The following ZRANB3 variants were observed in gnomAD, a reference collection of about 807,000 sequenced individuals.
ZRANB3 encodes the protein DNA annealing helicase and endonuclease ZRANB3.
A neutral mutation model predicts 133.8 loss-of-function variants in ZRANB3; 125 were observed. The observed-to-expected ratio is 0.93, with a 90% CI of 0.81 to 1.08. ZRANB3 has a LOEUF of 1.08. Among genes scored for constraint, ZRANB3 ranks in the 50% least tolerant of loss-of-function variants. The pLI is 0.00. For synonymous variants in ZRANB3, 387 were observed against 432.7 expected, an observed-to-expected ratio of 0.89 and a Z score of 1.31; for missense variants, 1,229 against 1,275.5, an observed-to-expected ratio of 0.96 and a Z score of 0.56.
intron 2 of ZRANB3, among the ~76,000 whole-genome samples, chr2:135,458,596 T>G (rs1300121072): frequency 6.6e-6 from 1 of 152,112 alleles, no homozygotes; most frequent in African/African-American, 2.4e-5. Context: ...TGAACTCTAC[T>G]GATGACAGAG....
chr2:135,442,376 GT>G (rs1288793853), intron 2 of ZRANB3, among the ~76,000 whole-genome samples: 4 of 152,122 alleles, frequency 2.6e-5, no homozygotes, highest in Non-Finnish European at 5.9e-5. Context: ...CCATCCAAAA[GT>G]GTACAAAGGA....
chr2:135,344,622 A>G (rs770535978), intron 6 of ZRANB3, among the ~76,000 whole-genome samples: 3 of 152,190 alleles, frequency 2.0e-5, no homozygotes, highest in Non-Finnish European at 4.4e-5. Flanking sequence ...CTGTAATCTC[A>G]GCTACTCAGG....
intron 12 of ZRANB3, among the ~76,000 whole-genome samples, chr2:135,238,526 G>A (rs1695410000): frequency 6.6e-6 from 1 of 151,802 alleles, no homozygotes; most frequent in South Asian, 2.1e-4. Context: ...ATCACGCCCA[G>A]CTAATTTTTG....
chr2:135,411,116 T>A (rs1595399), intron 2 of ZRANB3, among the ~76,000 whole-genome samples: 15,609 of 152,100 alleles, frequency 0.1, 1,061 homozygotes, highest in South Asian at 0.32. Context: ...GGTGCACACC[T>A]GTAGTCACAG....
At chr2:135,251,193 T>G (rs1679373873) in intron 12 of ZRANB3, among the ~76,000 whole-genome samples, 1 of 152,216 alleles carries the variant, frequency 6.6e-6, no homozygotes, top group African/African-American at 2.4e-5. Context: ...GGGCCCTGTA[T>G]CCCCTTTGTT....
chr2:135,507,985 A>C (rs1693270946), intron 1 of ZRANB3, among the ~76,000 whole-genome samples: 2 of 151,382 alleles, frequency 1.3e-5, no homozygotes. Flanking sequence ...AAAGAGAGAG[A>C]GAGAATAACA....
At chr2:135,503,833 G>A (rs900994084) in intron 2 of ZRANB3, among the ~76,000 whole-genome samples, 19 of 151,988 alleles carry the variant, frequency 1.3e-4, no homozygotes, top group African/African-American at 4.6e-4. Context: ...CCCGGGTGTG[G>A]TGGCGTGCAC....
rs1239856439 is a variant in ZRANB3, at chr2:135,407,838, A to T, written c.162-17018T>A. Reference sequence around the variant, plus strand: ...AAAATTAATTCAAGATGGATTAAAGACTTACCACGTTAGACCTAAAACCAT... The same window carrying T: ...AAAATTAATTCAAGATGGATTAAAGTCTTACCACGTTAGACCTAAAACCAT... On this transcript the variant is annotated intron_variant, in intron 2 of 20. Transcript: ENST00000264159. Among the ~76,000 whole-genome samples the T allele has an allele frequency of 2.9e-4, 36 of 125,000 alleles. 1 individual carries two copies. The highest frequency in any genetic ancestry group is 3.5e-4 in the Non-Finnish European group (23 of 65,506). 82.0% of individuals were successfully genotyped at this position (125,000 alleles called of 152,430 possible). A position where few individuals can be genotyped will look rare whatever the true frequency, so the allele number is the denominator to read the frequency against.
intron 12 of ZRANB3, among the ~76,000 whole-genome samples, chr2:135,264,468 C>G (rs1254388383): frequency 8.1e-6 from 1 of 123,400 alleles, no homozygotes; most frequent in Admixed American, 9.6e-5. Flanking sequence ...AAGACTCTGT[C>G]TCAAAAAAAA....
At chr2:135,518,108 C>G (rs566883907) in intron 1 of ZRANB3, among the ~76,000 whole-genome samples, 1 of 152,260 alleles carries the variant, frequency 6.6e-6, no homozygotes, top group East Asian at 1.9e-4. Flanking sequence ...TGCCCCTCCC[C>G]CTACCAAGCT....
intron 6 of ZRANB3, among the ~76,000 whole-genome samples, chr2:135,340,523 A>G (rs1265037387): frequency 6.6e-6 from 1 of 152,120 alleles, no homozygotes; most frequent in African/African-American, 2.4e-5. Flanking sequence ...TCTTATTTGA[A>G]TATATTATAT....
At chr2:135,448,935 G>A (rs1479859719) in intron 2 of ZRANB3, among the ~76,000 whole-genome samples, 1 of 152,218 alleles carries the variant, frequency 6.6e-6, no homozygotes, top group East Asian at 1.9e-4. Flanking sequence ...ATCCTACTAA[G>A]AGAGGAGTCT....
intron 3 of ZRANB3, among the ~76,000 whole-genome samples, chr2:135,362,495 A>C (rs532698460): frequency 6.6e-6 from 1 of 152,290 alleles, no homozygotes; most frequent in East Asian, 1.9e-4. Flanking sequence ...AAACTTATTT[A>C]TCTAAAGGGA....
intron 6 of ZRANB3, among the ~76,000 whole-genome samples, chr2:135,342,554 C>T (rs1034745974): frequency 4.0e-5 from 6 of 149,744 alleles, no homozygotes; most frequent in African/African-American, 1.5e-4. Flanking sequence ...AAGTGACTGT[C>T]CTACCTTGGC....
chr2:135,417,413 A>G (rs1688636701), intron 2 of ZRANB3, among the ~76,000 whole-genome samples: 1 of 152,070 alleles, frequency 6.6e-6, no homozygotes, highest in Non-Finnish European at 1.5e-5. Flanking sequence ...ACAATGAGAT[A>G]CCATCTCACA....
chr2:135,451,056 G>C (rs942946946), intron 2 of ZRANB3, among the ~76,000 whole-genome samples: 1 of 152,178 alleles, frequency 6.6e-6, no homozygotes, highest in Non-Finnish European at 1.5e-5. Flanking sequence ...TGTGTACTCA[G>C]AAGAGTTTCT....
intron 1 of ZRANB3, among the ~76,000 whole-genome samples, chr2:135,514,303 C>G (rs1471590867): frequency 1.3e-5 from 2 of 152,132 alleles, no homozygotes; most frequent in Non-Finnish European, 2.9e-5. Flanking sequence ...TGATTGTGCC[C>G]TCTCTTATTT....
At chr2:135,391,884 GT>G (rs919097839) in intron 2 of ZRANB3, among the ~76,000 whole-genome samples, 52 of 152,192 alleles carry the variant, frequency 3.4e-4, no homozygotes, top group African/African-American at 1.2e-3. Flanking sequence ...TGGCCGCTGA[GT>G]TTTTATTTCT....
chr2:135,312,717 T>C (rs1283295354), intron 8 of ZRANB3, among the ~76,000 whole-genome samples: 1 of 152,096 alleles, frequency 6.6e-6, no homozygotes, highest in African/African-American at 2.4e-5. Context: ...GGAATACTAA[T>C]AATAAAGATG....
Sources: gnomAD v4.1 joint callset for allele counts (sites outside exome capture counted in the v4.1 genomes callset) on GRCh38, gnomAD v4.1.1 for gene constraint, MANE v1.5 for transcripts, NCBI Gene and HGNC (gene_info 2026-07-23, HGNC 2026-07-21) for gene names.